OSBP2: variants seen among roughly 807,000 people sequenced by gnomAD.
OSBP2 encodes oxysterol binding protein 2.
In OSBP2, 66 loss-of-function variants were observed where a neutral mutation model predicts 96.0. The observed-to-expected ratio is 0.69, with a 90% CI of 0.56 to 0.84. The LOEUF (loss-of-function observed/expected upper bound fraction) is 0.84. Ranked by LOEUF, OSBP2 falls within the 40% of genes least tolerant of loss-of-function variation. The probability of loss-of-function intolerance (pLI) is 0.00; values close to 1 mark genes in which losing one functional copy is unlikely to be tolerated. For synonymous variants in OSBP2, 525 were observed against 520.9 expected (o/e 1.01, Z -0.11); for missense variants, 1,038 against 1,222.7 (o/e 0.85, Z 2.25).
chr22:30,710,600 CT>C (rs538715953), intron 1 of OSBP2, among the ~76,000 whole-genome samples: 263 of 143,446 alleles, frequency 1.8e-3, no homozygotes, highest in Admixed American at 2.0e-3. Flanking sequence ...TTATACTTGT[CT>C]TTTTTTTTTT....
chr22:30,710,770 C>T (rs1279282786), intron 1 of OSBP2, among the ~76,000 whole-genome samples: 2 of 152,130 alleles, frequency 1.3e-5, no homozygotes, highest in East Asian at 3.9e-4. Context: ...GCCACCACGC[C>T]AGGCTTATTT....
intron 2 of OSBP2, among the ~76,000 whole-genome samples, chr22:30,745,243 G>A (rs983008879): frequency 1.1e-4 from 16 of 151,894 alleles, no homozygotes; most frequent in African/African-American, 1.5e-4. Flanking sequence ...AAATTATAGC[G>A]CTAAAAGTGT....
At chr22:30,888,084 A>T in intron 4 of OSBP2, 139 bp from the exon 5 acceptor site, 1 of 676,352 alleles carries the variant, frequency 1.5e-6, no homozygotes, top group Non-Finnish European at 2.7e-6. Context: ...CAGCCCAGGG[A>T]ATCAGGGCTG....
intron 12 of OSBP2, among the ~76,000 whole-genome samples, chr22:30,903,352 G>A (rs1287114100): frequency 2.0e-5 from 3 of 152,208 alleles, no homozygotes; most frequent in African/African-American, 4.8e-5. Context: ...TTCACAACTA[G>A]GATAAAAATA....
At chr22:30,781,174 G>T (rs553487015) in intron 2 of OSBP2, among the ~76,000 whole-genome samples, 1 of 148,382 alleles carries the variant, frequency 6.7e-6, no homozygotes, top group South Asian at 2.2e-4. Context: ...TAGCGATGGG[G>T]TTTCACCATG....
At chr22:30,886,420 T>C (rs535138187) in intron 3 of OSBP2, among the ~76,000 whole-genome samples, 2 of 152,238 alleles carry the variant, frequency 1.3e-5, no homozygotes, top group South Asian at 2.1e-4. Flanking sequence ...GTGGCTCCCC[T>C]TGGAGACAAT....
chr22:30,737,046 T>C (rs136356), intron 1 of OSBP2, among the ~76,000 whole-genome samples: 112,198 of 152,094 alleles, frequency 0.74, 42,213 homozygotes, highest in African/African-American at 0.88. Flanking sequence ...GACGGAGTCT[T>C]GCTCTGTTGC....
intron 3 of OSBP2, among the ~76,000 whole-genome samples, chr22:30,876,686 C>T (rs1365070070): frequency 6.6e-6 from 1 of 152,122 alleles, no homozygotes; most frequent in African/African-American, 2.4e-5. Flanking sequence ...CAGGCCCTGC[C>T]AGTGGGGAGC....
chr22:30,823,791 C>G (rs1294502241), intron 2 of OSBP2, among the ~76,000 whole-genome samples: 1 of 152,204 alleles, frequency 6.6e-6, no homozygotes, highest in East Asian at 1.9e-4. Context: ...AGGAAACTTG[C>G]AAGTAAATTT....
chr22:30,833,669 T>A (rs868540532), intron 2 of OSBP2, among the ~76,000 whole-genome samples: 8 of 152,342 alleles, frequency 5.3e-5, no homozygotes, highest in South Asian at 4.1e-4. Flanking sequence ...TTAAATTGTG[T>A]TGAGAATTGA....
rs2145655182 is a variant in OSBP2, at chr22:30,694,899, C to G, written c.-11C>G. ...ACTGGCCGCTCGGCCGCGCGCGGGT[C>G]GGCCGGCTCTATGGGGAAAGCGGCG... On this transcript the variant is annotated 5_prime_UTR_variant, in exon 1 of 14. Transcript: ENST00000332585. 3 of 1,275,906 alleles carry G rather than the reference C, an allele frequency of 2.4e-6. No individual in the cohort carries two copies. Among genetic ancestry groups the G allele is most frequent in the East Asian group, 3.1e-5 (1 of 31,904 alleles). The allele number at this position is 1,275,906 out of a possible 1,614,324, so 79.0% of individuals were successfully genotyped here.
intron 2 of OSBP2, among the ~76,000 whole-genome samples, chr22:30,864,901 C>T (rs1401317488): frequency 6.7e-6 from 1 of 149,674 alleles, no homozygotes; most frequent in Non-Finnish European, 1.5e-5. Context: ...AGTTAGTTTC[C>T]CCGAAACAAG....
At chr22:30,693,970 G>C, upstream of OSBP2, 1 of 921,090 alleles carries the variant, frequency 1.1e-6, no homozygotes, top group South Asian at 1.6e-5. Flanking sequence ...GTCTCAAAAA[G>C]GAAAAAAAAA....
chr22:30,822,206 C>T (rs1030536548), intron 2 of OSBP2, among the ~76,000 whole-genome samples: 1 of 152,196 alleles, frequency 6.6e-6, no homozygotes, highest in African/African-American at 2.4e-5. Context: ...CCCCTTAGCT[C>T]TCAAGGGCAT....
intron 1 of OSBP2, among the ~76,000 whole-genome samples, chr22:30,732,107 C>T (rs2089789572): frequency 6.6e-6 from 1 of 152,150 alleles, no homozygotes; most frequent in Non-Finnish European, 1.5e-5. Context: ...GGTTCAAGAC[C>T]AGCCTCACTA....
rs80096132 is a variant in OSBP2, at chr22:30,888,796, C to T, written c.1419-381C>T. On this transcript the variant is annotated intron_variant, in intron 5 of 13. Coordinates refer to ENST00000332585, the MANE Select transcript of OSBP2 (RefSeq NM_030758.4). ...TGTTGTGTGAGCCTCATAGAGTATACTTACACAAACCTAGCTGATAGAGCC... is the reference window on the plus strand; with the variant it reads ...TGTTGTGTGAGCCTCATAGAGTATATTTACACAAACCTAGCTGATAGAGCC... 1.4e-4 allele frequency among the ~76,000 whole-genome samples: 21 copies of T among 152,288 alleles called. No homozygotes were observed. The East Asian group carries it at 3.7e-3, about 27-fold the overall frequency.
At chr22:30,749,670 C>T (rs1322416448) in intron 2 of OSBP2, among the ~76,000 whole-genome samples, 2 of 152,146 alleles carry the variant, frequency 1.3e-5, no homozygotes, top group African/African-American at 4.8e-5. Context: ...TGCAGTGGCG[C>T]AATCTTGGCT....
chr22:30,725,545 C>A (rs370009428), intron 1 of OSBP2, among the ~76,000 whole-genome samples: 24 of 144,036 alleles, frequency 1.7e-4, no homozygotes, highest in East Asian at 1.0e-3. Flanking sequence ...AAAACAAAAA[C>A]AAAAAAAAAA....
chr22:30,744,195 A>G (rs2089972532), intron 2 of OSBP2, among the ~76,000 whole-genome samples: 1 of 152,188 alleles, frequency 6.6e-6, no homozygotes, highest in African/African-American at 2.4e-5. Context: ...CTTCTGTTAA[A>G]GGCAAGGTCC....
Sources: allele counts gnomAD v4.1 joint callset (sites outside exome capture counted in the v4.1 genomes callset), GRCh38; gene constraint gnomAD v4.1.1; transcripts MANE v1.5; gene names NCBI Gene and HGNC (gene_info 2026-07-23, HGNC 2026-07-21).